TLE1: variants seen among roughly 807,000 people sequenced by gnomAD.
TLE1 encodes the protein TLE family member 1, transcriptional corepressor.
A neutral mutation model predicts 89.8 loss-of-function variants in TLE1; 21 were observed. The ratio of observed to expected loss-of-function variants is 0.23; its 90% CI spans 0.17 to 0.34. TLE1 has a LOEUF of 0.34. TLE1 is among the 10% of genes least tolerant of loss of function. TLE1 has a pLI of 1.00. For synonymous variants in TLE1, 447 were observed against 407.6 expected (o/e 1.10, Z -1.16); for missense variants, 795 against 1,031.2 (o/e 0.77, Z 3.14).
rs143943648 is a variant in TLE1 at position 81,688,328 on chromosome 9, C to T, written c.-88G>A. 10 of 1,388,248 alleles carry T rather than the reference C, an allele frequency of 7.2e-6. No individual in the cohort carries two copies. Among genetic ancestry groups the T allele is most frequent in the South Asian group, 1.5e-5 (1 of 66,102 alleles). The allele number at this position is 1,388,248 out of a possible 1,614,324, so 86.0% of individuals were successfully genotyped here. ...TTAATCCCGCCGAGGAAAATTAAGCCGGAAAGCCAAGCAGAAGCGGGGAGC... is the reference window on the plus strand; with the variant it reads ...TTAATCCCGCCGAGGAAAATTAAGCTGGAAAGCCAAGCAGAAGCGGGGAGC... On this transcript the variant is annotated 5_prime_UTR_variant, in exon 1 of 20. Transcript: ENST00000376499.
At chr9:81,638,277 G>A (rs960271307) in intron 6 of TLE1, among the ~76,000 whole-genome samples, 3 of 152,172 alleles carry the variant, frequency 2.0e-5, no homozygotes, top group African/African-American at 7.2e-5. Flanking sequence ...AAAGAAGCAC[G>A]TCAAGAAGAA....
At chr9:81,588,124 A>C (rs1828868060) in intron 16 of TLE1, among the ~76,000 whole-genome samples, 1 of 152,208 alleles carries the variant, frequency 6.6e-6, no homozygotes, top group Non-Finnish European at 1.5e-5. Context: ...ACCGTCTGGA[A>C]GGTAAAATTC....
intron 8 of TLE1, among the ~76,000 whole-genome samples, chr9:81,627,001 GCT>G (rs1825982773): frequency 6.6e-6 from 1 of 152,206 alleles, no homozygotes; most frequent in African/African-American, 2.4e-5. Context: ...TCTAAGAGCT[GCT>G]CAGCTGTTTC....
chr9:81,620,095 C>T (rs1350621268), intron 9 of TLE1, among the ~76,000 whole-genome samples: 2 of 152,254 alleles, frequency 1.3e-5, no homozygotes, highest in East Asian at 1.9e-4. Context: ...AAATTGAGAA[C>T]GCAAAGATGG....
intron 15 of TLE1, among the ~76,000 whole-genome samples, chr9:81,592,507 G>A (rs754490152): frequency 5.3e-5 from 8 of 152,166 alleles, no homozygotes; most frequent in African/African-American, 1.4e-4. Flanking sequence ...TGGCTGCCCC[G>A]GGTCTTTGCA....
intron 4 of TLE1, among the ~76,000 whole-genome samples, chr9:81,678,724 G>A (rs1833215438): frequency 6.6e-6 from 1 of 151,994 alleles, no homozygotes; most frequent in African/African-American, 2.4e-5. Context: ...CTGAGGCAGG[G>A]GAACTGCTTG....
chr9:81,612,247 C>T (rs1240052860), intron 12 of TLE1: 1 of 1,038,082 alleles, frequency 9.6e-7, no homozygotes, highest in Non-Finnish European at 1.2e-6. Context: ...TATTCCCTAC[C>T]CAATTTACAG....
Position 81,656,423 on chromosome 9 carries a change from A to C in TLE1, c.235-2387T>G, listed in dbSNP as rs550159063. ...TACATTCCTCTTCTCGGAAATTCAC[A>C]TTGAAGGTTTCCAGTTTTAAAAATG... On this transcript the variant is annotated intron_variant, in intron 4 of 19. Transcript: ENST00000376499. Among the ~76,000 whole-genome samples, 6 of 152,342 alleles carry C rather than the reference A, an allele frequency of 3.9e-5. No individual in the cohort carries two copies. In the East Asian group the frequency reaches 1.2e-3, roughly 29 times the overall value.
In TLE1 at chr9:81,611,913, A is replaced by G; in HGVS notation, c.1110T>C (p.Ala370=). 4 of 1,522,850 alleles carry G rather than the reference A, an allele frequency of 2.6e-6. No individual in the cohort carries two copies. Among genetic ancestry groups the G allele is most frequent in the Non-Finnish European group, 3.5e-6 (4 of 1,139,252 alleles). 94.3% of individuals were successfully genotyped at this position (1,522,850 alleles called of 1,614,324 possible). The stretch of plus-strand genomic sequence containing the variant: ...CAGCGTGGGGGACCATCCCAAAAGG[A>G]GCAGGATATGGGCCGGGCACTGCCA... ...TPLAVPGPYP[A]PFGMVPHAGM... The change falls in exon 13 of 20, where the codon GCT becomes GCC. Residue 370 remains alanine, a synonymous_variant. Transcript: ENST00000376499.
intron 4 of TLE1, among the ~76,000 whole-genome samples, chr9:81,666,232 A>G (rs1453988809): frequency 6.6e-6 from 1 of 152,086 alleles, no homozygotes; most frequent in African/African-American, 2.4e-5. Context: ...TCTTTCTCCA[A>G]ACTCCGCAGA....
chr9:81,590,310 C>T (rs1316183495), intron 16 of TLE1, among the ~76,000 whole-genome samples: 1 of 152,148 alleles, frequency 6.6e-6, no homozygotes, highest in African/African-American at 2.4e-5. Context: ...TGGAACCACC[C>T]CTGGGCAGGT....
chr9:81,620,574 T>C lies in TLE1; in HGVS notation c.595-17A>G. 3 of 1,599,194 alleles carry C rather than the reference T, an allele frequency of 1.9e-6. No individual in the cohort carries two copies. Among genetic ancestry groups the C allele is most frequent in the Non-Finnish European group, 2.6e-6 (3 of 1,175,564 alleles). Reference sequence around the variant, plus strand: ...GGAATTACTCTGCAAGACAAAAAAATTAATCAAAGATTTCTTCCCAAGCCT... The same window carrying C: ...GGAATTACTCTGCAAGACAAAAAAACTAATCAAAGATTTCTTCCCAAGCCT... On this transcript the variant is annotated splice_polypyrimidine_tract_variant and intron_variant, in intron 8 of 19. Coordinates refer to ENST00000376499, the MANE Select transcript of TLE1 (RefSeq NM_005077.5).
rs535517503 is a variant in TLE1, at chr9:81,605,444, G to A, written c.1331+4776C>T. ...TGTACCTATCTTTGACTTACGGGGC[G>A]GGGCGGGGAACTGGTCTGTCACCAT... On this transcript the variant is annotated intron_variant, in intron 14 of 19. Coordinates refer to ENST00000376499, the MANE Select transcript of TLE1 (RefSeq NM_005077.5). Among the ~76,000 whole-genome samples the A allele has an allele frequency of 3.9e-5, 6 of 152,166 alleles. No homozygotes were observed. The East Asian group carries it at 1.2e-3, about 29-fold the overall frequency.
intron 18 of TLE1, among the ~76,000 whole-genome samples, chr9:81,584,892 C>T (rs2796457): frequency 0.23 from 35,181 of 151,872 alleles, 4,428 homozygotes; most frequent in Middle Eastern, 0.34. Context: ...ATTAAACATC[C>T]AACTTAAGTA....
At chr9:81,588,233 C>A (rs1343485877) in intron 16 of TLE1, among the ~76,000 whole-genome samples, 2 of 152,166 alleles carry the variant, frequency 1.3e-5, no homozygotes, top group Non-Finnish European at 2.9e-5. Context: ...AAGGTCTGTT[C>A]TTTAATCGTG....
chr9:81,653,819 G>C (rs1229876207), intron 5 of TLE1, among the ~76,000 whole-genome samples, 155 bp downstream of exon 5: 2 of 152,222 alleles, frequency 1.3e-5, no homozygotes, highest in Non-Finnish European at 2.9e-5. Context: ...GCCCTCAGAT[G>C]TGTTGGATAG....
At chr9:81,672,508 G>A (rs1832357051) in intron 4 of TLE1, among the ~76,000 whole-genome samples, 2 of 149,818 alleles carry the variant, frequency 1.3e-5, no homozygotes, top group South Asian at 4.2e-4. Flanking sequence ...ATCAGCAGCA[G>A]CTGTGAACCT....
intron 15 of TLE1, among the ~76,000 whole-genome samples, chr9:81,591,862 T>C (rs1433359514): frequency 6.6e-6 from 1 of 152,196 alleles, no homozygotes; most frequent in African/African-American, 2.4e-5. Flanking sequence ...AAAGTCTGTG[T>C]TTCCAAAACA....
At position 81,625,911 on chromosome 9, in the gene TLE1, T is replaced by TTAAAAA. The variant is rs1491491955; in HGVS notation, c.595-5355_595-5354insTTTTTA. On this transcript the variant is annotated intron_variant, in intron 8 of 19. Coordinates refer to ENST00000376499, the MANE Select transcript of TLE1 (RefSeq NM_005077.5). ...TCTGGAAAGTAACCTCAGAAACTAC[T>TTAAAAA]AAAAAAAAAAAAAAAAAAAAAAGCA... is the stretch of plus-strand genomic sequence containing the variant. Among the ~76,000 whole-genome samples the TTAAAAA allele has an allele frequency of 4.4e-4, 39 of 87,832 alleles. 1 individual carries two copies. The highest frequency in any genetic ancestry group is 1.3e-3 in the African/African-American group (25 of 18,658). The allele number at this position is 87,832 out of a possible 152,430, so 57.6% of individuals were successfully genotyped here.
Sources: allele counts gnomAD v4.1 joint callset (sites outside exome capture counted in the v4.1 genomes callset), GRCh38; gene constraint gnomAD v4.1.1; transcripts MANE v1.5; gene names NCBI Gene and HGNC (gene_info 2026-07-23, HGNC 2026-07-21).